LEKR1: variants seen among roughly 807,000 people sequenced by gnomAD.
LEKR1 encodes the protein leucine, glutamate and lysine rich 1, also known as protein LEKR1.
LEKR1 carries 59 observed loss-of-function variants against 72.4 expected under a neutral mutation model. That is an observed-to-expected ratio of 0.82 (90% CI 0.66 to 1.01). The LOEUF (loss-of-function observed/expected upper bound fraction) is 1.01. Among genes scored for constraint, LEKR1 ranks in the 50% least tolerant of loss-of-function variants. The pLI is 0.00. For missense variants in LEKR1, 728 were observed against 759.2 expected, an observed-to-expected ratio of 0.96 and a Z score of 0.48; for synonymous variants, 257 against 263.2, an observed-to-expected ratio of 0.98 and a Z score of 0.23.
intron 4 of LEKR1, among the ~76,000 whole-genome samples, chr3:156,921,809 A>G (rs1724226162): frequency 6.6e-6 from 1 of 152,182 alleles, no homozygotes; most frequent in African/African-American, 2.4e-5. Context: ...CCAAATAATT[A>G]TTGCCGCTTC....
intron 12 of LEKR1, among the ~76,000 whole-genome samples, chr3:157,039,723 G>C (rs1735218963): frequency 6.6e-6 from 1 of 152,156 alleles, no homozygotes; most frequent in Non-Finnish European, 1.5e-5. Context: ...AGCACAAATA[G>C]TTTATTTGCA....
At chr3:157,024,236 C>T (rs567752381) in intron 10 of LEKR1, among the ~76,000 whole-genome samples, 22 of 152,276 alleles carry the variant, frequency 1.4e-4, no homozygotes, top group Middle Eastern at 3.4e-3. Flanking sequence ...ACCATCTGTA[C>T]GGACATTACT....
At chr3:156,888,270 C>T (rs529948871) in intron 3 of LEKR1, 26 of 696,318 alleles carry the variant, frequency 3.7e-5, no homozygotes, top group South Asian at 2.1e-4. Context: ...TGATATAAAT[C>T]GTAATGTTTA....
intron 3 of LEKR1, among the ~76,000 whole-genome samples, chr3:156,911,913 G>A (rs748521255): frequency 1.3e-5 from 2 of 152,042 alleles, no homozygotes; most frequent in African/African-American, 4.8e-5. Context: ...TAGCCTTATG[G>A]TATAGTTTGA....
At chr3:156,842,892 C>T (rs1714111859) in intron 2 of LEKR1, among the ~76,000 whole-genome samples, 2 of 152,198 alleles carry the variant, frequency 1.3e-5, no homozygotes, top group South Asian at 4.1e-4. Context: ...CTTCCATCTT[C>T]TTAAGTGGCA....
intron 2 of LEKR1, among the ~76,000 whole-genome samples, chr3:156,832,434 A>T (rs1477040971): frequency 6.6e-6 from 1 of 152,224 alleles, no homozygotes; most frequent in East Asian, 1.9e-4. Context: ...ACCAAACACA[A>T]ATCATAGTAG....
chr3:157,027,265 T>C (rs976167050), intron 11 of LEKR1, among the ~76,000 whole-genome samples: 8 of 152,068 alleles, frequency 5.3e-5, no homozygotes, highest in Admixed American at 5.2e-4. Flanking sequence ...ACTACCATAT[T>C]GGATAGCATA....
intron 3 of LEKR1, among the ~76,000 whole-genome samples, chr3:156,916,660 G>T (rs1335765543): frequency 6.6e-6 from 1 of 152,128 alleles, no homozygotes; most frequent in Non-Finnish European, 1.5e-5. Context: ...TTTGGGCTGA[G>T]ACTATGGAGT....
chr3:156,926,393 A>C (rs1336060768), intron 4 of LEKR1, among the ~76,000 whole-genome samples: 1 of 152,048 alleles, frequency 6.6e-6, no homozygotes, highest in East Asian at 1.9e-4. Context: ...ATTACTAATT[A>C]CTAATTACCA....
At chr3:156,940,691 A>ATAAGG (rs1032724224) in intron 5 of LEKR1, among the ~76,000 whole-genome samples, 4 of 152,138 alleles carry the variant, frequency 2.6e-5, no homozygotes, top group African/African-American at 9.7e-5. Context: ...TAGTTTTGAA[A>ATAAGG]TCTTGATGTA....
intron 9 of LEKR1, among the ~76,000 whole-genome samples, chr3:157,002,012 T>C (rs901420105): frequency 3.3e-5 from 5 of 152,186 alleles, no homozygotes; most frequent in African/African-American, 9.6e-5. Context: ...AGTTTTTCTT[T>C]CAGGCCAGAG....
intron 6 of LEKR1, among the ~76,000 whole-genome samples, chr3:156,953,843 T>G (rs1233434310): frequency 1.3e-5 from 2 of 151,738 alleles, no homozygotes; most frequent in African/African-American, 4.8e-5. Context: ...ATGCTTGTAT[T>G]TTTATACTAG....
intron 5 of LEKR1, among the ~76,000 whole-genome samples, chr3:156,928,037 T>C (rs537316017): frequency 6.6e-6 from 1 of 152,022 alleles, no homozygotes; most frequent in African/African-American, 2.4e-5. Context: ...AAGTGAAAGA[T>C]GCCAATTTGA....
At chr3:156,866,906 C>T (rs1211241408) in intron 3 of LEKR1, among the ~76,000 whole-genome samples, 2 of 152,116 alleles carry the variant, frequency 1.3e-5, no homozygotes, top group African/African-American at 4.8e-5. Flanking sequence ...ATAGTAAATG[C>T]CCAACAAGTG....
intron 9 of LEKR1, among the ~76,000 whole-genome samples, chr3:157,005,070 G>A (rs1732313430): frequency 6.6e-6 from 1 of 151,916 alleles, no homozygotes; most frequent in Non-Finnish European, 1.5e-5. Flanking sequence ...AGAGAAGTCA[G>A]AAATTACTAA....
intron 6 of LEKR1, among the ~76,000 whole-genome samples, chr3:156,949,976 G>C (rs1445020430): frequency 1.3e-5 from 2 of 151,172 alleles, no homozygotes; most frequent in Admixed American, 6.6e-5. Context: ...TTTCTTGAAA[G>C]TTTGGTAGAA....
chr3:156,829,356 G>C lies in LEKR1; in HGVS notation c.27G>C (p.Ala9=). ...TGGATCATCACATTCCCATGCATGC[G>C]TTGCCTGAAGAAATCCAAAAGGTAT... MDHHIPMH[A]LPEEIQKMLP... The change falls in exon 2 of 13, where the codon GCG becomes GCC. Residue 9 remains alanine (A), a synonymous_variant. Coordinates refer to ENST00000356539, the MANE Select transcript of LEKR1 (RefSeq NM_001004316.3). 6.5e-7 allele frequency: 1 copy of C among 1,533,606 alleles called. No homozygotes were observed. Among genetic ancestry groups the C allele is most frequent in the Non-Finnish European group, 8.7e-7 (1 of 1,145,044 alleles). 95.0% of individuals were successfully genotyped at this position (1,533,606 alleles called of 1,614,324 possible).
At chr3:156,839,141 G>T (rs909161917) in intron 2 of LEKR1, among the ~76,000 whole-genome samples, 7 of 152,182 alleles carry the variant, frequency 4.6e-5, no homozygotes, top group Admixed American at 1.3e-4. Context: ...TTATGATCAG[G>T]ACTGCCCTTA....
At chr3:156,994,333 C>A (rs1031380361) in intron 9 of LEKR1, among the ~76,000 whole-genome samples, 3 of 151,890 alleles carry the variant, frequency 2.0e-5, no homozygotes, top group Non-Finnish European at 4.4e-5. Flanking sequence ...CCCTGGGCAC[C>A]AAATCTGTTT....
Sources: allele counts gnomAD v4.1 joint callset (sites outside exome capture counted in the v4.1 genomes callset), GRCh38; gene constraint gnomAD v4.1.1; transcripts MANE v1.5; gene names NCBI Gene and HGNC (gene_info 2026-07-23, HGNC 2026-07-21).